PLXDC2: variants seen among roughly 807,000 people sequenced by gnomAD.
PLXDC2 encodes the protein plexin domain-containing protein 2.
Under a neutral mutation model 68.9 loss-of-function variants are expected in PLXDC2, and 40 were observed. The observed-to-expected ratio is 0.58, with a 90% CI of 0.45 to 0.76. The LOEUF (loss-of-function observed/expected upper bound fraction) is 0.76. Among genes scored for constraint, PLXDC2 ranks in the 30% least tolerant of loss-of-function variants. PLXDC2 has a pLI of 0.00. For missense variants in PLXDC2, 644 were observed against 661.9 expected (o/e 0.97, Z 0.30); for synonymous variants, 243 against 234.2 (o/e 1.04, Z -0.34).
At chr10:20,051,395 AATATATATAT>A (rs57093355) in intron 3 of PLXDC2, among the ~76,000 whole-genome samples, 1,471 of 118,352 alleles carry the variant, frequency 0.012, 24 homozygotes, top group Non-Finnish European at 0.019. Flanking sequence ...ATAAAGGTTA[AATATATATAT>A]ATATATATAT....
chr10:20,146,488 T>TTTCCTTCCTTCC (rs34150409), intron 5 of PLXDC2, among the ~76,000 whole-genome samples: 6,310 of 81,290 alleles, frequency 0.078, 491 homozygotes, highest in East Asian at 0.19. Context: ...TTCTTTTCTT[T>TTTCCTTCCTTCC]TTCCTTCCTT....
chr10:19,956,221 A>G (rs1359665376), intron 1 of PLXDC2, among the ~76,000 whole-genome samples: 1 of 152,188 alleles, frequency 6.6e-6, no homozygotes, highest in Non-Finnish European at 1.5e-5. Context: ...CATGAAAACG[A>G]GTCTTAATTG....
intron 1 of PLXDC2, among the ~76,000 whole-genome samples, chr10:19,924,416 A>G (rs1245508630): frequency 6.6e-6 from 1 of 152,156 alleles, no homozygotes; most frequent in Non-Finnish European, 1.5e-5. Flanking sequence ...TGTTATGTAT[A>G]TAATTTACCG....
At chr10:20,107,673 T>G (rs2131745306) in intron 4 of PLXDC2, among the ~76,000 whole-genome samples, 1 of 152,314 alleles carries the variant, frequency 6.6e-6, no homozygotes, top group Admixed American at 6.5e-5. Context: ...TTCACCAGTC[T>G]TCCTGACATA....
At position 20,282,924 on chromosome 10, in the gene PLXDC2, C is replaced by T. The variant is rs926394398; in HGVS notation, c.*3105C>T. On this transcript the variant is annotated 3_prime_UTR_variant, in exon 14 of 14. Coordinates refer to ENST00000377252, the MANE Select transcript of PLXDC2 (RefSeq NM_032812.9). ...GTCCAATATTATATCCACTAGCCAA[C>T]GTGGCTTTTGAAATTAAAATTAATT... 35 of 152,146 alleles carry T rather than the reference C, an allele frequency of 2.3e-4. No individual in the cohort carries two copies. Among genetic ancestry groups the T allele is most frequent in the Admixed American group, 1.9e-3 (29 of 15,270 alleles). 9.4% of individuals were successfully genotyped at this position (152,146 alleles called of 1,614,324 possible).
intron 12 of PLXDC2, among the ~76,000 whole-genome samples, chr10:20,242,782 C>G (rs1346150190): frequency 2.0e-5 from 3 of 152,160 alleles, no homozygotes; most frequent in Non-Finnish European, 4.4e-5. Context: ...AGGATCTCGG[C>G]TCCCTGCAAC....
chr10:19,995,293 C>T (rs987896014), intron 1 of PLXDC2, among the ~76,000 whole-genome samples: 1 of 152,144 alleles, frequency 6.6e-6, no homozygotes, highest in Non-Finnish European at 1.5e-5. Flanking sequence ...AGGGGAAAAG[C>T]ACATGGGACA....
intron 1 of PLXDC2, among the ~76,000 whole-genome samples, chr10:19,964,112 A>G (rs1834207564): frequency 6.6e-6 from 1 of 152,250 alleles, no homozygotes; most frequent in Non-Finnish European, 1.5e-5. Context: ...CTCTGAGGAA[A>G]GAAAAAGCCC....
intron 6 of PLXDC2, among the ~76,000 whole-genome samples, chr10:20,157,473 A>G (rs1834232160): frequency 1.3e-5 from 2 of 152,220 alleles, no homozygotes; most frequent in South Asian, 4.1e-4. Context: ...GGCAGAACAA[A>G]GAGGAAAATA....
At chr10:19,886,210 C>T (rs1233800255) in intron 1 of PLXDC2, among the ~76,000 whole-genome samples, 1 of 152,036 alleles carries the variant, frequency 6.6e-6, no homozygotes, top group East Asian at 1.9e-4. Context: ...ATTTTGTATC[C>T]TGAGACTTCG....
intron 1 of PLXDC2, among the ~76,000 whole-genome samples, chr10:19,962,138 A>C (rs920325331): frequency 6.6e-6 from 1 of 152,124 alleles, no homozygotes; most frequent in Non-Finnish European, 1.5e-5. Context: ...AGTCTTATAT[A>C]TGAGATACTT....
At chr10:19,875,282 C>T (rs1021425932) in intron 1 of PLXDC2, among the ~76,000 whole-genome samples, 3 of 152,070 alleles carry the variant, frequency 2.0e-5, no homozygotes, top group East Asian at 1.9e-4. Context: ...ATGGAGTTAG[C>T]GGCTCTTTCT....
chr10:19,910,752 TG>T (rs1451116837), intron 1 of PLXDC2, among the ~76,000 whole-genome samples: 1 of 152,058 alleles, frequency 6.6e-6, no homozygotes, highest in Non-Finnish European at 1.5e-5. Context: ...GGCTCACACC[TG>T]TAATCCCAGC....
intron 6 of PLXDC2, among the ~76,000 whole-genome samples, chr10:20,162,806 G>A (rs1440494675): frequency 1.3e-5 from 2 of 151,074 alleles, no homozygotes; most frequent in African/African-American, 2.4e-5. Flanking sequence ...GCTCACGCCT[G>A]CAATCCCAGC....
chr10:19,950,924 T>A, intron 1 of PLXDC2, among the ~76,000 whole-genome samples: 1 of 152,282 alleles, frequency 6.6e-6, no homozygotes, highest in East Asian at 1.9e-4. Context: ...TAAATGGTAC[T>A]GGGACAACTG....
intron 1 of PLXDC2, among the ~76,000 whole-genome samples, chr10:19,878,383 T>G (rs1269461427): frequency 6.6e-6 from 1 of 152,168 alleles, no homozygotes; most frequent in East Asian, 1.9e-4. Context: ...AATAAAAGCT[T>G]ATTGCCATCT....
intron 1 of PLXDC2, among the ~76,000 whole-genome samples, chr10:19,902,774 C>T (rs1349852490): frequency 1.3e-5 from 2 of 152,128 alleles, no homozygotes; most frequent in African/African-American, 4.8e-5. Flanking sequence ...AGGGAGAATG[C>T]TTTCAACTTT....
chr10:19,922,971 T>C (rs1416971414), intron 1 of PLXDC2, among the ~76,000 whole-genome samples: 1 of 152,218 alleles, frequency 6.6e-6, no homozygotes, highest in Non-Finnish European at 1.5e-5. Flanking sequence ...TTTGAGACTT[T>C]TGTGATTTCA....
intron 12 of PLXDC2, among the ~76,000 whole-genome samples, chr10:20,235,664 TAGTC>T (rs1344854650): frequency 6.6e-6 from 1 of 152,208 alleles, no homozygotes; most frequent in Non-Finnish European, 1.5e-5. Flanking sequence ...ATCTTTATGT[TAGTC>T]AGGTGGTTTA....
Sources: gnomAD v4.1 joint callset for allele counts (sites outside exome capture counted in the v4.1 genomes callset) on GRCh38, gnomAD v4.1.1 for gene constraint, MANE v1.5 for transcripts, NCBI Gene and HGNC (gene_info 2026-07-23, HGNC 2026-07-21) for gene names.